The following AMMECR1 variants were observed in gnomAD, a reference collection of about 807,000 sequenced individuals.
AMMECR1 encodes the protein nuclear protein AMMECR1.
A neutral mutation model predicts 22.5 loss-of-function variants in AMMECR1; 3 were observed. The ratio of observed to expected loss-of-function variants is 0.13; its 90% CI spans 0.06 to 0.35. The LOEUF is 0.35. Ranked by LOEUF, AMMECR1 falls within the 10% of genes least tolerant of loss-of-function variation. AMMECR1 has a pLI of 1.00. For synonymous variants in AMMECR1, 130 were observed against 116.7 expected (o/e 1.11, Z -0.74); for missense variants, 235 against 278.7 (o/e 0.84, Z 1.12).
chrX:110,215,996 T>A (rs2067471743), intron 3 of AMMECR1, among the ~76,000 whole-genome samples: 1 of 112,226 alleles, frequency 8.9e-6, no homozygotes, highest in African/African-American at 3.2e-5. Context: ...AACCTTAGTA[T>A]TATTTGTTAG....
intron 2 of AMMECR1, among the ~76,000 whole-genome samples, chrX:110,234,505 A>G (rs2067589122): frequency 8.9e-6 from 1 of 112,325 alleles, no homozygotes; most frequent in African/African-American, 3.2e-5. Context: ...GAACCAAAAA[A>G]GAGCCTGCAT....
chrX:110,213,654 C>G (rs2067458251), intron 3 of AMMECR1, among the ~76,000 whole-genome samples: 1 of 111,463 alleles, frequency 9.0e-6, no homozygotes, highest in South Asian at 3.7e-4. Context: ...TTTTTTAATG[C>G]CTTTAATTCC....
chrX:110,355,504 T>C (rs1387541283), intron 2 of AMMECR1, among the ~76,000 whole-genome samples: 5 of 112,435 alleles, frequency 4.4e-5, no homozygotes, highest in Admixed American at 9.4e-5. Context: ...TCAACATCTA[T>C]ACTCATCAGG....
intron 2 of AMMECR1, among the ~76,000 whole-genome samples, chrX:110,363,894 A>C (rs923235222): frequency 5.4e-5 from 6 of 111,984 alleles, no homozygotes; most frequent in African/African-American, 1.9e-4. Flanking sequence ...TATTAGTTCC[A>C]TTTTCAAATG....
At chrX:110,204,588 C>G (rs1296581157) in intron 3 of AMMECR1, among the ~76,000 whole-genome samples, 1 of 111,671 alleles carries the variant, frequency 9.0e-6, no homozygotes, top group African/African-American at 3.3e-5. Context: ...TGGCTACATA[C>G]TAAGATTTTT....
chrX:110,204,394 T>G (rs997107716), intron 3 of AMMECR1, among the ~76,000 whole-genome samples: 5 of 111,422 alleles, frequency 4.5e-5, no homozygotes, highest in African/African-American at 9.8e-5. Context: ...AATGTCTCCC[T>G]ATCTGTGAGA....
At chrX:110,222,155 A>C (rs1245083545) in intron 2 of AMMECR1, among the ~76,000 whole-genome samples, 1 of 93,495 alleles carries the variant, frequency 1.1e-5, no homozygotes, top group African/African-American at 3.9e-5. Context: ...ACGTATGTTT[A>C]TTGCGGCATT....
chrX:110,335,454 A>C (rs757318693), intron 2 of AMMECR1, among the ~76,000 whole-genome samples: 1 of 111,956 alleles, frequency 8.9e-6, no homozygotes, highest in Non-Finnish European at 1.9e-5. Flanking sequence ...TATCCAGCAT[A>C]GAATGGTGCT....
chrX:110,376,233 T>G (rs1247711379), intron 2 of AMMECR1, among the ~76,000 whole-genome samples: 1 of 111,426 alleles, frequency 9.0e-6, no homozygotes, highest in African/African-American at 3.3e-5. Flanking sequence ...GGCTGCCTCC[T>G]GAGCTAATGA....
intron 1 of AMMECR1, 88 bp from the exon 2 acceptor site, chrX:110,264,687 C>T: frequency 4.0e-6 from 3 of 755,873 alleles, no homozygotes; most frequent in Non-Finnish European, 5.8e-6. Flanking sequence ...AGGTTAGGTG[C>T]CTGAGATATA....
upstream of AMMECR1, among the ~76,000 whole-genome samples, chrX:110,319,815 T>C (rs758408585): frequency 8.9e-6 from 1 of 112,224 alleles, no homozygotes; most frequent in South Asian, 3.7e-4. Context: ...ACCATGCCAT[T>C]ATACTACATT....
At chrX:110,302,196 C>T (rs138853931) in intron 1 of AMMECR1, among the ~76,000 whole-genome samples, 2,681 of 111,459 alleles carry the variant, frequency 0.024, 40 homozygotes, top group Middle Eastern at 0.042. Flanking sequence ...GGAAGGGGTA[C>T]AATGGGACAT....
At chrX:110,211,773 A>G (rs1216846056) in intron 3 of AMMECR1, among the ~76,000 whole-genome samples, 1 of 111,306 alleles carries the variant, frequency 9.0e-6, no homozygotes, top group African/African-American at 3.3e-5. Flanking sequence ...TCCTTCTCAT[A>G]CCTACTAGGA....
Position 110,368,110 on chromosome X carries a change from G to A in AMMECR1, c.-147-50261C>T, listed in dbSNP as rs750912865. Among the ~76,000 whole-genome samples the A allele has an allele frequency of 2.0e-3, 217 of 107,995 alleles. 1 individual carries two copies. The highest frequency in any genetic ancestry group is 6.9e-3 in the African/African-American group (206 of 29,703). 93.8% of individuals were successfully genotyped at this position (107,995 alleles called of 115,157 possible). On this transcript the variant is annotated intron_variant, in intron 2 of 7. Transcript: ENST00000372057. ...CCCACCATGGCCTCTCAAATTGTTG[G>A]GATTACAGGTGTGAGCCACTGCACC... is the stretch of plus-strand genomic sequence containing the variant.
intron 3 of AMMECR1, among the ~76,000 whole-genome samples, chrX:110,215,740 T>C (rs1404308332): frequency 9.0e-6 from 1 of 111,726 alleles, no homozygotes; most frequent in African/African-American, 3.3e-5. Context: ...CTTACCACTT[T>C]TATACATGGA....
upstream of AMMECR1, among the ~76,000 whole-genome samples, chrX:110,323,009 G>A (rs1381222650): frequency 8.9e-6 from 1 of 111,826 alleles, no homozygotes; most frequent in African/African-American, 3.3e-5. Flanking sequence ...TGCCTGGTAA[G>A]TAGGCTGCTG....
At chrX:110,247,560 T>C (rs1285247797) in intron 2 of AMMECR1, among the ~76,000 whole-genome samples, 1 of 111,129 alleles carries the variant, frequency 9.0e-6, no homozygotes, top group Non-Finnish European at 1.9e-5. Context: ...GCATGGTGGC[T>C]TGCACCTGTA....
chrX:110,295,055 T>G (rs2067928185), intron 1 of AMMECR1, among the ~76,000 whole-genome samples: 1 of 111,298 alleles, frequency 9.0e-6, no homozygotes, highest in South Asian at 3.7e-4. Flanking sequence ...GCAGTTTTAT[T>G]GATGTGCCAT....
chrX:110,215,770 A>G (rs1422597157), intron 3 of AMMECR1, among the ~76,000 whole-genome samples: 1 of 111,743 alleles, frequency 8.9e-6, no homozygotes, highest in Non-Finnish European at 1.9e-5. Context: ...CTGGAATAAA[A>G]CAGGCATTCA....
Sources: gnomAD v4.1 joint callset for allele counts (sites outside exome capture counted in the v4.1 genomes callset) on GRCh38, gnomAD v4.1.1 for gene constraint, MANE v1.5 for transcripts, NCBI Gene and HGNC (gene_info 2026-07-23, HGNC 2026-07-21) for gene names.